The following BAZ1B variants were observed in gnomAD, a reference collection of about 807,000 sequenced individuals.
The protein encoded by BAZ1B is tyrosine-protein kinase BAZ1B.
In BAZ1B, 22 loss-of-function variants were observed where a neutral mutation model predicts 153.8. The ratio of observed to expected loss-of-function variants is 0.14; its 90% CI spans 0.10 to 0.20. The LOEUF is 0.20. Ranked by LOEUF, BAZ1B falls within the 10% of genes least tolerant of loss-of-function variation. The pLI, the probability that BAZ1B is intolerant of heterozygous loss-of-function variation, is 1.00. For missense variants in BAZ1B, 1,325 were observed against 1,799.3 expected (o/e 0.74, Z 4.77); for synonymous variants, 676 against 633.4 (o/e 1.07, Z -1.01).
intron 6 of BAZ1B, among the ~76,000 whole-genome samples, chr7:73,484,459 C>A (rs547841493): frequency 6.6e-6 from 1 of 151,866 alleles, no homozygotes; most frequent in Non-Finnish European, 1.5e-5. Context: ...GGTAACATGG[C>A]GAGACCCTGT....
At chr7:73,516,620 C>G (rs1385355597) in intron 1 of BAZ1B, among the ~76,000 whole-genome samples, 2 of 150,768 alleles carry the variant, frequency 1.3e-5, no homozygotes, top group African/African-American at 2.4e-5. Flanking sequence ...ACTAAAAATA[C>G]AAAAAATAGC....
intron 6 of BAZ1B, among the ~76,000 whole-genome samples, chr7:73,486,631 A>G (rs1486021831): frequency 2.6e-5 from 4 of 152,070 alleles, no homozygotes; most frequent in African/African-American, 7.2e-5. Context: ...TGGCCTGCTA[A>G]AACTATTGCT....
Position 73,440,510 on chromosome 7 carries a change from AAAAC to A in BAZ1B, c.*1195_*1198del, listed in dbSNP as rs1280723759. On this transcript the variant is annotated 3_prime_UTR_variant, in exon 20 of 20. Coordinates refer to ENST00000339594, the MANE Select transcript of BAZ1B (RefSeq NM_032408.4). Reference sequence around the variant, plus strand: ...TCCTCTTTGAAGACAATAAAAAAAAAAAACAACAACAAACAATTCAGGTGTCACT... The same window carrying A: ...TCCTCTTTGAAGACAATAAAAAAAAAAACAACAAACAATTCAGGTGTCACT... 5.9e-5 allele frequency: 9 copies of A among 152,230 alleles called. No individual in the cohort carries two copies. Among genetic ancestry groups the A allele is most frequent in the African/African-American group, 9.6e-5 (4 of 41,562 alleles). 9.4% of individuals were successfully genotyped at this position (152,230 alleles called of 1,614,324 possible).
chr7:73,447,467 T>G, intron 15 of BAZ1B, 88 bp from the exon 16 acceptor site: 7 of 1,441,254 alleles, frequency 4.9e-6, no homozygotes, highest in Non-Finnish European at 5.6e-6. Context: ...ATCAGGAAAC[T>G]TCTCTTCACA....
Position 73,477,171 on chromosome 7 carries a change from C to T in BAZ1B, c.2290G>A (p.Asp764Asn). 1 of 1,614,238 alleles carries T rather than the reference C, an allele frequency of 6.2e-7. No individual in the cohort carries two copies. Among genetic ancestry groups the T allele is most frequent in the Non-Finnish European group, 8.5e-7 (1 of 1,180,042 alleles). Residue 764 changes from aspartate to asparagine, a missense_variant, in exon 7 of 20, where the codon GAC (aspartate) becomes AAC (asparagine). Asp to Asn is a conservative substitution (Grantham distance 23, BLOSUM62 1). Around this residue, in one of 9 missense-constraint regions of BAZ1B, gnomAD observed 431 missense variants for 563.5 expected, o/e 0.76. Transcript: ENST00000339594. This position sits in a 1 kb window ranked among gnomAD's most constrained non-coding sequence, Gnocchi z 5.6. ...HRILMTYSVQ[D>N]HMETRQQMSA... ...ATCTGCTGTCTGGTCTCCATGTGGT[C>T]TTGCACTGAGTATGTCATGAGGATC...
rs370027847 is a variant in BAZ1B at position 73,461,690 on chromosome 7, T to C, written c.3249+1232A>G. 8.5e-5 allele frequency among the ~76,000 whole-genome samples: 13 copies of C among 152,266 alleles called. No individual in the cohort carries two copies. The East Asian group carries it at 1.5e-3, about 18-fold the overall frequency. On this transcript the variant is annotated intron_variant, in intron 12 of 19. Coordinates refer to ENST00000339594, the MANE Select transcript of BAZ1B (RefSeq NM_032408.4). ...TACACATATTATTTGCTTATTCCAA[T>C]AGCAAAGAAAAACAAGCTAAAATAG...
chr7:73,463,220 C>G (rs1788456308), intron 11 of BAZ1B, 121 bp from the exon 12 acceptor site: 1 of 920,468 alleles, frequency 1.1e-6, no homozygotes, highest in Admixed American at 2.7e-5. Flanking sequence ...TCACCTCTCC[C>G]TGGTGTTTTT....
chr7:73,468,958 C>T lies in BAZ1B; in HGVS notation c.2866+559G>A, dbSNP rs148417612. On this transcript the variant is annotated intron_variant, in intron 9 of 19. Coordinates refer to ENST00000339594, the MANE Select transcript of BAZ1B (RefSeq NM_032408.4). ...CAGCTTGGCCAACATGGCGAAACCC[C>T]GTCCCTACAAAAAATACAAAAATTA... Among the ~76,000 whole-genome samples, 1,466 of 152,068 alleles carry T rather than the reference C, an allele frequency of 9.6e-3. 59 individuals are homozygous for T. Among genetic ancestry groups the T allele is most frequent in the East Asian group, 0.067 (348 of 5,158 alleles).
In BAZ1B at chr7:73,441,616, G is replaced by C. The variant is rs1314118796; in HGVS notation, c.*93C>G. 2.0e-5 allele frequency: 3 copies of C among 152,744 alleles called. No individual in the cohort carries two copies. Among genetic ancestry groups the C allele is most frequent in the Non-Finnish European group, 2.9e-5 (2 of 68,198 alleles). 9.5% of individuals were successfully genotyped at this position (152,744 alleles called of 1,614,324 possible). Reference sequence around the variant, plus strand: ...AGGACACGTCCCTTTACTCTGCCAAGATCAACTCAAAAGACCACAACTGTT... The same window carrying C: ...AGGACACGTCCCTTTACTCTGCCAACATCAACTCAAAAGACCACAACTGTT... On this transcript the variant is annotated 3_prime_UTR_variant, in exon 20 of 20. Coordinates refer to ENST00000339594, the MANE Select transcript of BAZ1B (RefSeq NM_032408.4).
chr7:73,487,792 G>T (rs1213433330), intron 6 of BAZ1B, among the ~76,000 whole-genome samples: 2 of 152,080 alleles, frequency 1.3e-5, no homozygotes, highest in East Asian at 3.9e-4. Context: ...TAGTTCCATG[G>T]AAAATTTAGT....
Position 73,459,641 on chromosome 7 carries a change from G to A in BAZ1B, c.3327C>T (p.Leu1109=), listed in dbSNP as rs369382171. ...TTTGCTTGGGAGCCATGAAGCCTTG[G>A]AGAAATTTCTTTATGACACTGGCCT... ...ALQASVIKKF[L]QGFMAPKQKR... The change falls in exon 13 of 20, where the codon CTC becomes CTT. Residue 1109 remains leucine (L), a synonymous_variant. Transcript: ENST00000339594. The A allele has an allele frequency of 4.3e-5, 70 of 1,613,864 alleles. No homozygotes were observed. Among genetic ancestry groups the A allele is most frequent in the Non-Finnish European group, 5.9e-5 (70 of 1,180,022 alleles).
chr7:73,444,388 G>C (rs540953324), intron 16 of BAZ1B, among the ~76,000 whole-genome samples: 1 of 152,212 alleles, frequency 6.6e-6, no homozygotes, highest in Admixed American at 6.5e-5. Context: ...CAGTACTTCT[G>C]TCCTGCCCCG....
At chr7:73,458,598 C>A (rs1411490755) in intron 13 of BAZ1B, among the ~76,000 whole-genome samples, 1 of 151,462 alleles carries the variant, frequency 6.6e-6, no homozygotes, top group Middle Eastern at 3.4e-3. Flanking sequence ...ATTGCTTGAA[C>A]CTGGGAGGTA....
intron 1 of BAZ1B, among the ~76,000 whole-genome samples, chr7:73,512,535 T>C (rs1182774218): frequency 6.6e-6 from 1 of 152,144 alleles, no homozygotes; most frequent in Non-Finnish European, 1.5e-5. Context: ...GTTTAGACAG[T>C]CTTCGTGAGG....
At chr7:73,494,225 T>C (rs574043274) in intron 4 of BAZ1B, among the ~76,000 whole-genome samples, 91 of 151,078 alleles carry the variant, frequency 6.0e-4, no homozygotes, top group East Asian at 1.4e-3. Context: ...CTACAAAAAA[T>C]AGAAAAAATT....
Position 73,447,289 on chromosome 7 carries a change from T to A in BAZ1B, c.3819A>T (p.Glu1273Asp). ...EEEEEEEEEE[E>D]DYEVAGLRLR... Reference sequence around the variant, plus strand: ...ATCGCAAACCAGCCACCTCATAATCTTCTTCCTCCTCCTCCTCTTCTTCCT... The same window carrying A: ...ATCGCAAACCAGCCACCTCATAATCATCTTCCTCCTCCTCCTCTTCTTCCT... Residue 1273 changes from glutamate (E) to aspartate (D), a missense_variant, in exon 16 of 20, where the codon GAA becomes GAT. This residue lies in a region of BAZ1B where 271 missense variants were observed against 337.2 expected (regional missense o/e 0.80). Transcript: ENST00000339594. 6.2e-7 allele frequency: 1 copy of A among 1,609,004 alleles called. No homozygotes were observed. Among genetic ancestry groups the A allele is most frequent in the Non-Finnish European group, 8.5e-7 (1 of 1,175,250 alleles).
chr7:73,453,153 A>T (rs1046998520), intron 13 of BAZ1B, among the ~76,000 whole-genome samples: 1 of 152,256 alleles, frequency 6.6e-6, no homozygotes, highest in Non-Finnish European at 1.5e-5. Context: ...CCTTCAAAGC[A>T]AAGAGCAGTG....
In BAZ1B at chr7:73,442,380, C is replaced by G. The variant is rs1455898790; in HGVS notation, c.4268G>C (p.Ser1423Thr). ...CTTCACCATGCAGCTTAGCACATGG[C>G]TGCCACGGCAGTTGTAAACCTCAGC... is the stretch of plus-strand genomic sequence containing the variant. ...TNAEVYNCRG[S>T]HVLSCMVKTE... Residue 1423 changes from serine (S) to threonine (T), a missense_variant, in exon 19 of 20, where the codon AGC becomes ACC. Physicochemically the swap from Ser to Thr is moderately conservative, Grantham distance 58. Around this residue, in one of 9 missense-constraint regions of BAZ1B, gnomAD observed 271 missense variants for 337.2 expected, o/e 0.80. Transcript: ENST00000339594. 1 of 1,614,134 alleles carries G rather than the reference C, an allele frequency of 6.2e-7. No homozygotes were observed. Among genetic ancestry groups the G allele is most frequent in the Non-Finnish European group, 8.5e-7 (1 of 1,180,060 alleles).
At chr7:73,511,532 T>A (rs1311565789) in intron 1 of BAZ1B, among the ~76,000 whole-genome samples, 1 of 151,326 alleles carries the variant, frequency 6.6e-6, no homozygotes, top group Non-Finnish European at 1.5e-5. Context: ...ATAAAAATGG[T>A]TTTTCGTGTT....
Sources: gnomAD v4.1 joint callset for allele counts (sites outside exome capture counted in the v4.1 genomes callset) on GRCh38, gnomAD v4.1.1 for gene constraint, gnomAD v4.1.1 regional missense constraint, Gnocchi (gnomAD v3.1) non-coding constraint, MANE v1.5 for transcripts, NCBI Gene and HGNC (gene_info 2026-07-23, HGNC 2026-07-21) for gene names.